Variants in DLAT observed in about 807,000 individuals in gnomAD.
DLAT encodes the protein dihydrolipoyllysine-residue acetyltransferase component of pyruvate dehydrogenase complex, mitochondrial.
In DLAT, 43 loss-of-function variants were observed where a neutral mutation model predicts 68.0. The observed-to-expected ratio is 0.63, with a 90% confidence interval of 0.50 to 0.81. The LOEUF (loss-of-function observed/expected upper bound fraction) is 0.81. Among genes scored for constraint, DLAT ranks in the 40% least tolerant of loss-of-function variants. The pLI is 0.00. For missense variants in DLAT, 745 were observed against 815.4 expected (o/e 0.91, Z 1.05); for synonymous variants, 265 against 288.6 (o/e 0.92, Z 0.83).
intron 7 of DLAT, among the ~76,000 whole-genome samples, chr11:112,042,222 C>G (rs2137777070): frequency 6.6e-6 from 1 of 152,210 alleles, no homozygotes; most frequent in African/African-American, 2.4e-5. Flanking sequence ...TTGTGCCGCC[C>G]AAGAGAGATA....
At chr11:112,060,309 T>C (rs2039238754) in intron 12 of DLAT, among the ~76,000 whole-genome samples, 1 of 151,628 alleles carries the variant, frequency 6.6e-6, no homozygotes, top group Non-Finnish European at 1.5e-5. Context: ...TACAGGCACC[T>C]GCCACCACGC....
At chr11:112,042,187 T>C (rs1387527784) in intron 7 of DLAT, among the ~76,000 whole-genome samples, 1 of 152,238 alleles carries the variant, frequency 6.6e-6, no homozygotes, top group Non-Finnish European at 1.5e-5. Context: ...GTTCCCTTTA[T>C]ACCATATTGC....
chr11:112,056,362 C>A (rs1864077783), intron 11 of DLAT, among the ~76,000 whole-genome samples: 1 of 152,148 alleles, frequency 6.6e-6, no homozygotes, highest in African/African-American at 2.4e-5. Flanking sequence ...TCACCTTCAG[C>A]CCCTGGGCAA....
chr11:112,048,461 T>C lies in DLAT; in HGVS notation c.1398+2491T>C, dbSNP rs150229548. 1.6e-3 allele frequency among the ~76,000 whole-genome samples: 251 copies of C among 152,338 alleles called. 2 individuals carry two copies. Among genetic ancestry groups the C allele is most frequent in the African/African-American group, 5.6e-3 (234 of 41,584 alleles). On this transcript the variant is annotated intron_variant, in intron 10 of 13. Transcript: ENST00000280346. ...TTTCTATTTGAATACTCTTTATTTC[T>C]TTCTCTTGCCTGATTGCCCTGGCCA... is the stretch of plus-strand genomic sequence containing the variant.
chr11:112,041,101 TA>T (rs1490866204), intron 7 of DLAT, among the ~76,000 whole-genome samples: 1 of 152,178 alleles, frequency 6.6e-6, no homozygotes, highest in Admixed American at 6.5e-5. Context: ...AAAGGGAGTA[TA>T]GCATAGTAGT....
chr11:112,045,202 C>T lies in DLAT; in HGVS notation c.1262C>T (p.Thr421Ile), dbSNP rs1555181359. 6.2e-7 allele frequency: 1 copy of T among 1,613,988 alleles called. No homozygotes were observed. Among genetic ancestry groups the T allele is most frequent in the African/African-American group, 1.3e-5 (1 of 74,930 alleles). Residue 421 changes from threonine to isoleucine, a missense_variant, in exon 9 of 14, where the codon ACA becomes ATA. Physicochemically the swap from Thr to Ile is moderately conservative, Grantham distance 89. Coordinates refer to ENST00000280346, the MANE Select transcript of DLAT (RefSeq NM_001931.5). ...GMAPVPTGVF[T>I]DIPISNIRRV... ...GCACCAGTTCCTACAGGTGTCTTCACAGATATCCCAATCAGCAACATTCGT... is the reference window on the plus strand; with the variant it reads ...GCACCAGTTCCTACAGGTGTCTTCATAGATATCCCAATCAGCAACATTCGT...
At chr11:112,054,645 A>G (rs1863891908) in intron 11 of DLAT, among the ~76,000 whole-genome samples, 1 of 152,206 alleles carries the variant, frequency 6.6e-6, no homozygotes, top group Non-Finnish European at 1.5e-5. Context: ...TTTGGAGAAC[A>G]TCTGGACATC....
chr11:112,038,123 A>G (rs1305507598), intron 6 of DLAT, among the ~76,000 whole-genome samples: 1 of 152,158 alleles, frequency 6.6e-6, no homozygotes, highest in Non-Finnish European at 1.5e-5. Context: ...CTAGGTAAAC[A>G]TTTCTATAAG....
chr11:112,028,235 A>G (rs1465186077), intron 2 of DLAT, among the ~76,000 whole-genome samples: 1 of 152,082 alleles, frequency 6.6e-6, no homozygotes, highest in Non-Finnish European at 1.5e-5. Flanking sequence ...GCTGGCCAAC[A>G]TGGTGAAACC....
chr11:112,044,307 G>A (rs1183474744), intron 8 of DLAT, among the ~76,000 whole-genome samples: 1 of 152,048 alleles, frequency 6.6e-6, no homozygotes, highest in Non-Finnish European at 1.5e-5. Context: ...CGATTCTCAT[G>A]CCCCAGCCTC....
At chr11:112,036,207 T>G (rs1387960630) in intron 5 of DLAT, among the ~76,000 whole-genome samples, 79 of 43,714 alleles carry the variant, frequency 1.8e-3, no homozygotes, top group African/African-American at 5.3e-3. Context: ...GTGTGTTTTT[T>G]TTTTTTTTTT....
rs782078082 is a variant in DLAT at position 112,025,739 on chromosome 11, C to T, written c.267C>T (p.Pro89=). ...GSPGRRYYSL[P]PHQKVPLPSL... ...CCGGCCGCCGCTATTACAGTCTTCC[C>T]CCGCATCAGAAGGTGAGCCCTAGAC... Residue 89 remains proline (P), a synonymous_variant, in exon 1 of 14, where the codon CCC becomes CCT. Coordinates refer to ENST00000280346, the MANE Select transcript of DLAT (RefSeq NM_001931.5). 1 of 1,613,312 alleles carries T rather than the reference C, an allele frequency of 6.2e-7. No individual in the cohort carries two copies. The highest frequency in any genetic ancestry group is 2.2e-5 in the East Asian group (1 of 44,890).
chr11:112,029,002 T>G, intron 4 of DLAT, 57 bp downstream of exon 4: 1 of 1,592,874 alleles, frequency 6.3e-7, no homozygotes, highest in Non-Finnish European at 8.6e-7. Flanking sequence ...CTCACTTTTT[T>G]TCATAGATGG....
chr11:112,044,986 G>T (rs1863229123), intron 8 of DLAT, 152 bp from the exon 9 acceptor site: 2 of 695,344 alleles, frequency 2.9e-6, no homozygotes, highest in South Asian at 3.0e-5. Flanking sequence ...AGTGAACCAT[G>T]ATTGAGCCAC....
intron 5 of DLAT, among the ~76,000 whole-genome samples, chr11:112,034,909 G>A (rs1000998213): frequency 3.3e-5 from 5 of 151,906 alleles, no homozygotes; most frequent in Non-Finnish European, 7.4e-5. Flanking sequence ...GAGTAGCTGG[G>A]ACTACAGGCA....
chr11:112,032,384 A>G (rs1862462136), intron 4 of DLAT: 1 of 152,154 alleles, frequency 6.6e-6, no homozygotes, highest in African/African-American at 2.4e-5. Context: ...GAGCTAATTT[A>G]TATATGCATT....
At chr11:112,047,355 T>C (rs1323216235) in intron 10 of DLAT, among the ~76,000 whole-genome samples, 1 of 152,252 alleles carries the variant, frequency 6.6e-6, no homozygotes, top group East Asian at 1.9e-4. Context: ...TTATAGATTC[T>C]GGATATTAGC....
At chr11:112,042,763 T>C (rs1863110304) in intron 7 of DLAT, among the ~76,000 whole-genome samples, 1 of 152,230 alleles carries the variant, frequency 6.6e-6, no homozygotes, top group Admixed American at 6.5e-5. Context: ...TTGAAGATCC[T>C]TCCTCATGTG....
At chr11:112,045,263 T>C in intron 9 of DLAT, 33 bp downstream of exon 9, 1 of 1,430,028 alleles carries the variant, frequency 7.0e-7, no homozygotes, top group Non-Finnish European at 9.3e-7. Context: ...GAATCAGCTG[T>C]TAGGGGCATC....
Sources: gnomAD v4.1 joint callset for allele counts (sites outside exome capture counted in the v4.1 genomes callset) on GRCh38, gnomAD v4.1.1 for gene constraint, MANE v1.5 for transcripts, NCBI Gene and HGNC (gene_info 2026-07-23, HGNC 2026-07-21) for gene names.